Variants in TTF2 observed in about 807,000 individuals in gnomAD.
The protein encoded by TTF2 is RNA polymerase II termination factor.
TTF2 carries 108 observed loss-of-function variants against 142.4 expected under a neutral mutation model. The observed-to-expected ratio is 0.76, with a 90% CI of 0.65 to 0.89. TTF2 has a LOEUF of 0.89. TTF2 is among the 40% of genes least tolerant of loss of function. The pLI is 0.00. For synonymous variants in TTF2, 483 were observed against 506.2 expected (o/e 0.95, Z 0.61); for missense variants, 1,327 against 1,379.8 (o/e 0.96, Z 0.61).
chr1:117,084,151 G>T lies in TTF2; in HGVS notation c.2037G>T (p.Arg679=). ...LRVYLYHGPN[R]DSRARVLSTY... ...TCTATCTCTACCATGGGCCAAACCGGGATTCACGTGCCAGAGTGTAAGTGC... is the reference window on the plus strand; with the variant it reads ...TCTATCTCTACCATGGGCCAAACCGTGATTCACGTGCCAGAGTGTAAGTGC... The change falls in exon 11 of 23, where the codon CGG becomes CGT. Residue 679 remains arginine (R), a synonymous_variant. Transcript: ENST00000369466. 1 of 1,614,144 alleles carries T rather than the reference G, an allele frequency of 6.2e-7. No individual in the cohort carries two copies.
chr1:117,087,238 G>T lies in TTF2; in HGVS notation c.2160+716G>T, dbSNP rs1648096167. ...GATGAACTTTTCAGATTGCTCACTGGTTTTCCATTGCTTTTGGGATAAACC... is the reference window on the plus strand; with the variant it reads ...GATGAACTTTTCAGATTGCTCACTGTTTTTCCATTGCTTTTGGGATAAACC... On this transcript the variant is annotated intron_variant, in intron 12 of 22. Coordinates refer to ENST00000369466, the MANE Select transcript of TTF2 (RefSeq NM_003594.4). This position sits in a 1 kb window ranked among gnomAD's most constrained non-coding sequence, Gnocchi z 4.8. 1.3e-5 allele frequency among the ~76,000 whole-genome samples: 2 copies of T among 152,230 alleles called. 1 individual carries two copies. Among genetic ancestry groups the T allele is most frequent in the Admixed American group, 1.3e-4 (2 of 15,282 alleles).
intron 3 of TTF2, among the ~76,000 whole-genome samples, chr1:117,064,898 G>A (rs1208944401): frequency 7.0e-6 from 1 of 142,298 alleles, no homozygotes; most frequent in Non-Finnish European, 1.5e-5. Flanking sequence ...AATTACTTTT[G>A]TGTAGTATAT....
At position 117,076,335 on chromosome 1, in the gene TTF2, C is replaced by G; in HGVS notation, c.1390+41C>G. 1 of 1,509,652 alleles carries G rather than the reference C, an allele frequency of 6.6e-7. No homozygotes were observed. The highest frequency in any genetic ancestry group is 9.1e-7 in the Non-Finnish European group (1 of 1,095,544). 93.5% of individuals were successfully genotyped at this position (1,509,652 alleles called of 1,614,324 possible). A position where few individuals can be genotyped will look rare whatever the true frequency, so the allele number is the denominator to read the frequency against. ...CCTCAGAACTCCGGGTTTGCATCGA[C>G]TTTACAAGAGACATTCGGGAAGCCC... On this transcript the variant is annotated intron_variant, in intron 6 of 22. Coordinates refer to ENST00000369466, the MANE Select transcript of TTF2 (RefSeq NM_003594.4). This position sits in a 1 kb window ranked among gnomAD's most constrained non-coding sequence, Gnocchi z 4.6.
rs1649553941 is a variant in TTF2, at chr1:117,101,184, G to A, written c.3345-196G>A. Among the ~76,000 whole-genome samples the A allele has an allele frequency of 3.9e-5, 6 of 152,162 alleles. No individual in the cohort carries two copies. The South Asian group carries it at 1.2e-3, about 32-fold the overall frequency. On this transcript the variant is annotated intron_variant, in intron 22 of 22. Transcript: ENST00000369466. The surrounding 1 kb of genome is among the most constrained non-coding windows in gnomAD (Gnocchi z 5.9). ...AGAAAGTATTAAAATGCCAATGTGG[G>A]TCACATCCTTTTAAAGGGATATATA... is the stretch of plus-strand genomic sequence containing the variant.
chr1:117,098,884 G>A lies in TTF2; in HGVS notation c.3321G>A (p.Gln1107=). ...GTGACCGAATTTACCGAGTAGGGCA[G>A]CAGAAAGATGTTGTCATACACAGGT... The part of the protein sequence containing the change: ...QACDRIYRVG[Q]QKDVVIHRFV... The change falls in exon 22 of 23, where the codon CAG becomes CAA. Residue 1107 remains glutamine, a synonymous_variant. Coordinates refer to ENST00000369466, the MANE Select transcript of TTF2 (RefSeq NM_003594.4). 2 of 1,612,732 alleles carry A rather than the reference G, an allele frequency of 1.2e-6. No individual in the cohort carries two copies. Among genetic ancestry groups the A allele is most frequent in the Non-Finnish European group, 8.5e-7 (1 of 1,179,572 alleles).
In TTF2 at chr1:117,065,988, C is replaced by CTTTTTT. The variant is rs544726052; in HGVS notation, c.218+3539_218+3544dup. On this transcript the variant is annotated intron_variant, in intron 3 of 22. Transcript: ENST00000369466. ...CTACCATTGAAAGCCCACTATATAC[C>CTTTTTT]TTTTTTTTTTTTTTTTTTTTTTTTT... Among the ~76,000 whole-genome samples, 27 of 97,982 alleles carry CTTTTTT rather than the reference C, an allele frequency of 2.8e-4. 2 individuals carry two copies. The highest frequency in any genetic ancestry group is 9.5e-4 in the African/African-American group (20 of 21,042). The allele number at this position is 97,982 out of a possible 152,430, so 64.3% of individuals were successfully genotyped here.
intron 3 of TTF2, among the ~76,000 whole-genome samples, chr1:117,071,429 T>C (rs144148272): frequency 7.2e-5 from 11 of 152,330 alleles, no homozygotes; most frequent in African/African-American, 2.6e-4. Flanking sequence ...ATGTATGTTA[T>C]GCTACCCATT....
Position 117,101,273 on chromosome 1 carries a change from G to T in TTF2, c.3345-107G>T. The T allele has an allele frequency of 8.0e-7, 1 of 1,245,406 alleles. No homozygotes were observed. Among genetic ancestry groups the T allele is most frequent in the East Asian group, 2.4e-5 (1 of 41,194 alleles). 77.1% of individuals were successfully genotyped at this position (1,245,406 alleles called of 1,614,324 possible). A position where few individuals can be genotyped will look rare whatever the true frequency, so the allele number is the denominator to read the frequency against. Reference sequence around the variant, plus strand: ...TAACTGGACCTAAGAAGACTTAAAGGAAGAAATCTCATTAAAAATGAAAGC... The same window carrying T: ...TAACTGGACCTAAGAAGACTTAAAGTAAGAAATCTCATTAAAAATGAAAGC... On this transcript the variant is annotated intron_variant, in intron 22 of 22. Transcript: ENST00000369466. This position sits in a 1 kb window ranked among gnomAD's most constrained non-coding sequence, Gnocchi z 5.9.
At position 117,080,208 on chromosome 1, in the gene TTF2, G is replaced by A. The variant is rs1041046064; in HGVS notation, c.1783+559G>A. Reference sequence around the variant, plus strand: ...GTATTTTTAGTAGAGATGGGGTTTCGCCATGTTGGACAGGCTGGTCTCTAA... The same window carrying A: ...GTATTTTTAGTAGAGATGGGGTTTCACCATGTTGGACAGGCTGGTCTCTAA... On this transcript the variant is annotated intron_variant, in intron 9 of 22. Coordinates refer to ENST00000369466, the MANE Select transcript of TTF2 (RefSeq NM_003594.4). This position sits in a 1 kb window ranked among gnomAD's most constrained non-coding sequence, Gnocchi z 4.3. Among the ~76,000 whole-genome samples the A allele has an allele frequency of 6.6e-5, 10 of 151,826 alleles. No individual in the cohort carries two copies. Among genetic ancestry groups the A allele is most frequent in the African/African-American group, 1.7e-4 (7 of 41,302 alleles).
At chr1:117,061,863 T>C (rs1655709537) in intron 2 of TTF2, among the ~76,000 whole-genome samples, 1 of 152,234 alleles carries the variant, frequency 6.6e-6, no homozygotes, top group Non-Finnish European at 1.5e-5. Context: ...GAGAGTACTT[T>C]AAACCTTCAC....
chr1:117,060,371 C>A lies in TTF2; in HGVS notation c.25C>A (p.His9Asn), dbSNP rs778866953. Reference sequence around the variant, plus strand: ...AATGGAAGAAGTTAGGTGTCCAGAGCACGGTAAGGGGCTAGGGTCTCAGCG... The same window carrying A: ...AATGGAAGAAGTTAGGTGTCCAGAGAACGGTAAGGGGCTAGGGTCTCAGCG... MEEVRCPE[H>N]GTFCFLKTGV... is the part of the protein sequence containing the mutation. The change falls in exon 1 of 23, where the codon CAC (histidine) becomes AAC (asparagine). Residue 9 changes from histidine (H) to asparagine (N), a missense_variant. His to Asn is a moderately conservative substitution (Grantham distance 68). Coordinates refer to ENST00000369466, the MANE Select transcript of TTF2 (RefSeq NM_003594.4). The A allele has an allele frequency of 6.2e-7, 1 of 1,605,528 alleles. No individual in the cohort carries two copies. The highest frequency in any genetic ancestry group is 8.5e-7 in the Non-Finnish European group (1 of 1,175,578).
intron 21 of TTF2, 33 bp from the exon 22 acceptor site, chr1:117,098,800 C>T (rs1434989504): frequency 3.7e-6 from 6 of 1,602,230 alleles, no homozygotes; most frequent in Middle Eastern, 1.7e-4. Context: ...TCTAGTATGT[C>T]AGTTCCTTTG....
At chr1:117,095,433 G>A in intron 19 of TTF2, 66 bp downstream of exon 19, 2 of 1,483,478 alleles carry the variant, frequency 1.3e-6, no homozygotes, top group South Asian at 2.3e-5. Flanking sequence ...ATATTGCCAA[G>A]AGTTATAAAT....
At position 117,073,664 on chromosome 1, in the gene TTF2, G is replaced by A. The variant is rs368787495; in HGVS notation, c.222G>A (p.Leu74=). ...LLPQDKKEYR[L]FFRCIRSKAE... is the part of the protein sequence containing the mutation. ...TTTGTGTTTTATACTTCATTAGATTGTTCTTCCGATGCATTAGAAGTAAGG... is the reference window on the plus strand; with the variant it reads ...TTTGTGTTTTATACTTCATTAGATTATTCTTCCGATGCATTAGAAGTAAGG... The change falls in exon 4 of 23, where the codon TTG becomes TTA. Residue 74 remains leucine (L), a synonymous_variant. Transcript: ENST00000369466. The surrounding 1 kb of genome is among the most constrained non-coding windows in gnomAD (Gnocchi z 4.4). 406 of 1,608,772 alleles carry A rather than the reference G, an allele frequency of 2.5e-4. 6 individuals are homozygous for A. The South Asian group carries it at 4.1e-3, about 16-fold the overall frequency.
In TTF2 at chr1:117,086,777, TG is replaced by T. The variant is rs1469977241; in HGVS notation, c.2160+260del. On this transcript the variant is annotated intron_variant, in intron 12 of 22. Coordinates refer to ENST00000369466, the MANE Select transcript of TTF2 (RefSeq NM_003594.4). The surrounding 1 kb of genome is among the most constrained non-coding windows in gnomAD (Gnocchi z 4.2). ...ATGAAAGATGACTGCATTGTATTTG[TG>T]GGGGTAATAATCACCTGAATATATA... 4.6e-5 allele frequency among the ~76,000 whole-genome samples: 7 copies of T among 152,304 alleles called. No homozygotes were observed. In the South Asian group the frequency reaches 1.0e-3, roughly 23 times the overall value.
rs1649038264 is a variant in TTF2 at position 117,095,490 on chromosome 1, C to T, written c.3035+123C>T. 4 of 813,108 alleles carry T rather than the reference C, an allele frequency of 4.9e-6. No homozygotes were observed. In the Admixed American group the frequency reaches 9.0e-5, roughly 18 times the overall value. The allele number at this position is 813,108 out of a possible 1,614,324, so 50.4% of individuals were successfully genotyped here. ...AGCAGAAAGCACTGAGGTTATAGCA[C>T]ACATTCCCTGTGATTTCTAATTAAA... On this transcript the variant is annotated intron_variant, in intron 19 of 22. Transcript: ENST00000369466.
rs538161975 is a variant in TTF2, at chr1:117,076,474, C to T, written c.1391-167C>T. 28 of 946,442 alleles carry T rather than the reference C, an allele frequency of 3.0e-5. No individual in the cohort carries two copies. The highest frequency in any genetic ancestry group is 2.2e-4 in the Middle Eastern group (1 of 4,514). 58.6% of individuals were successfully genotyped at this position (946,442 alleles called of 1,614,324 possible). A position where few individuals can be genotyped will look rare whatever the true frequency, so the allele number is the denominator to read the frequency against. ...AAAACTTTCTCCTGTTTCCTGTGGA[C>T]TCTACTTTCTTCCCCATTGTTTAAG... On this transcript the variant is annotated intron_variant, in intron 6 of 22. Coordinates refer to ENST00000369466, the MANE Select transcript of TTF2 (RefSeq NM_003594.4). The surrounding 1 kb of genome is among the most constrained non-coding windows in gnomAD (Gnocchi z 4.6).
intron 18 of TTF2, among the ~76,000 whole-genome samples, chr1:117,094,167 A>C (rs1190875497): frequency 6.6e-6 from 1 of 152,216 alleles, no homozygotes; most frequent in Non-Finnish European, 1.5e-5. Context: ...AAGCAGCCCC[A>C]TGTGGTGACC....
rs773847854 is a variant in TTF2 at position 117,101,492 on chromosome 1, T to C, written c.3457T>C (p.Leu1153=). The change falls in exon 23 of 23, where the codon TTG becomes CTG. Residue 1153 remains leucine, a synonymous_variant. Transcript: ENST00000369466. This position sits in a 1 kb window ranked among gnomAD's most constrained non-coding sequence, Gnocchi z 5.9. ...TGGAGAATCTGTCACCAAGCTCACC[T>C]TGGCTGACCTCAGAGTCCTTTTTGG... ...GSGESVTKLT[L]ADLRVLFGI is the part of the protein sequence containing the mutation. 6.2e-7 allele frequency: 1 copy of C among 1,601,258 alleles called. No homozygotes were observed. The highest frequency in any genetic ancestry group is 8.5e-7 in the Non-Finnish European group (1 of 1,176,970).
Sources: allele counts gnomAD v4.1 joint callset (sites outside exome capture counted in the v4.1 genomes callset), GRCh38; gene constraint gnomAD v4.1.1; non-coding constraint Gnocchi (gnomAD v3.1); transcripts MANE v1.5; gene names NCBI Gene and HGNC (gene_info 2026-07-23, HGNC 2026-07-21).